Variants in FGF12 observed in about 807,000 individuals in gnomAD.
FGF12 encodes fibroblast growth factor 12.
In FGF12, 14 loss-of-function variants were observed where a neutral mutation model predicts 23.6. The ratio of observed to expected loss-of-function variants is 0.59; its 90% CI spans 0.39 to 0.93. FGF12 has a LOEUF of 0.93. Among genes scored for constraint, FGF12 ranks in the 40% least tolerant of loss-of-function variants. FGF12 has a pLI of 0.00. For synonymous variants in FGF12, 62 were observed against 77.3 expected, an observed-to-expected ratio of 0.80 and a Z score of 1.04; for missense variants, 175 against 217.8, an observed-to-expected ratio of 0.80 and a Z score of 1.24.
chr3:192,231,259 G>C (rs192550646), intron 4 of FGF12, among the ~76,000 whole-genome samples: 35 of 152,080 alleles, frequency 2.3e-4, no homozygotes, highest in African/African-American at 8.4e-4. Flanking sequence ...ATCTGAAAAT[G>C]CCTATTTAGA....
chr3:192,326,011 C>A (rs879016184), intron 4 of FGF12, among the ~76,000 whole-genome samples: 1 of 152,146 alleles, frequency 6.6e-6, no homozygotes, highest in Admixed American at 6.6e-5. Context: ...TGAGTCCAGA[C>A]AGCCAGTGAA....
chr3:192,246,331 G>C (rs907306018), intron 4 of FGF12, among the ~76,000 whole-genome samples: 2 of 152,146 alleles, frequency 1.3e-5, no homozygotes, highest in African/African-American at 2.4e-5. Flanking sequence ...TTTAACATAA[G>C]TGGAGTAAAT....
At chr3:192,199,587 G>A (rs763616877) in intron 4 of FGF12, among the ~76,000 whole-genome samples, 4 of 152,194 alleles carry the variant, frequency 2.6e-5, no homozygotes, top group Non-Finnish European at 4.4e-5. Flanking sequence ...CCTGCATTTG[G>A]TTTGAGAGCC....
chr3:192,523,597 T>C (rs1724873629), intron 2 of FGF12, among the ~76,000 whole-genome samples: 1 of 152,214 alleles, frequency 6.6e-6, no homozygotes, highest in South Asian at 2.1e-4. Flanking sequence ...CTTTTAGCTT[T>C]CGTATTATCC....
chr3:192,321,422 TA>T (rs1257292494), intron 4 of FGF12, among the ~76,000 whole-genome samples: 6 of 143,824 alleles, frequency 4.2e-5, no homozygotes, highest in African/African-American at 1.3e-4. Flanking sequence ...TTTCAAAAAA[TA>T]GAAGAGGAGG....
At chr3:192,219,473 A>C (rs1041701959) in intron 4 of FGF12, among the ~76,000 whole-genome samples, 1 of 151,626 alleles carries the variant, frequency 6.6e-6, no homozygotes, top group Non-Finnish European at 1.5e-5. Context: ...AACACGAAAA[A>C]CCCCCAGAAA....
intron 4 of FGF12, among the ~76,000 whole-genome samples, chr3:192,221,518 G>A (rs1404855874): frequency 6.6e-6 from 1 of 152,170 alleles, no homozygotes; most frequent in East Asian, 1.9e-4. Context: ...ATAAACACCA[G>A]TGGTGCTGGA....
At chr3:192,207,557 G>A (rs1045661535) in intron 4 of FGF12, among the ~76,000 whole-genome samples, 3 of 152,188 alleles carry the variant, frequency 2.0e-5, no homozygotes, top group African/African-American at 7.2e-5. Flanking sequence ...AGAGTGGGGA[G>A]AAGTGAAGTG....
chr3:192,229,117 G>A (rs943664532), intron 4 of FGF12, among the ~76,000 whole-genome samples: 6 of 151,352 alleles, frequency 4.0e-5, no homozygotes, highest in African/African-American at 9.7e-5. Flanking sequence ...CTAACTTCTG[G>A]GACATGGCTG....
At chr3:192,588,349 C>CAAAAAAAAAAA (rs1201739223) in intron 2 of FGF12, among the ~76,000 whole-genome samples, 6 of 66,966 alleles carry the variant, frequency 9.0e-5, no homozygotes, top group Admixed American at 1.9e-4. Context: ...CAATCCGTCT[C>CAAAAAAAAAAA]AAAAAAAAAA....
intron 2 of FGF12, among the ~76,000 whole-genome samples, chr3:192,545,832 G>T (rs546671963): frequency 2.6e-5 from 4 of 152,190 alleles, no homozygotes; most frequent in African/African-American, 9.6e-5. Flanking sequence ...ACTTTCAGAG[G>T]ACATTTGAGC....
intron 4 of FGF12, among the ~76,000 whole-genome samples, chr3:192,252,634 A>G (rs79855585): frequency 0.019 from 2,890 of 152,116 alleles, 72 homozygotes; most frequent in African/African-American, 0.055. Context: ...CTGTCAAAGT[A>G]CTTTCTGCCG....
chr3:192,658,945 T>C (rs1385846567), intron 2 of FGF12, among the ~76,000 whole-genome samples: 2 of 152,122 alleles, frequency 1.3e-5, no homozygotes, highest in African/African-American at 4.8e-5. Flanking sequence ...GATTCAAAGG[T>C]AAGTCATACA....
intron 2 of FGF12, among the ~76,000 whole-genome samples, chr3:192,673,895 G>A (rs2010769): frequency 0.45 from 67,093 of 150,444 alleles, 16,711 homozygotes; most frequent in East Asian, 0.63. Flanking sequence ...ATTTCCTTTG[G>A]GTATATACCC....
At chr3:192,546,841 A>G (rs1047818136) in intron 2 of FGF12, among the ~76,000 whole-genome samples, 8 of 152,236 alleles carry the variant, frequency 5.3e-5, no homozygotes, top group South Asian at 4.1e-4. Flanking sequence ...CTTGAGCCCA[A>G]TAGTTTGAGA....
At chr3:192,488,346 A>G (rs775511325) in intron 2 of FGF12, among the ~76,000 whole-genome samples, 3 of 152,102 alleles carry the variant, frequency 2.0e-5, no homozygotes, top group Non-Finnish European at 4.4e-5. Context: ...AAATAGAGTT[A>G]CCTAAATATT....
chr3:192,168,889 G>A (rs77627705), intron 5 of FGF12, among the ~76,000 whole-genome samples: 10,526 of 152,240 alleles, frequency 0.069, 441 homozygotes, highest in African/African-American at 0.11. Context: ...CAAGCTGACC[G>A]AATGTTTAGT....
chr3:192,167,783 T>C (rs1310820085), intron 5 of FGF12, among the ~76,000 whole-genome samples: 2 of 111,176 alleles, frequency 1.8e-5, no homozygotes. Context: ...TTTTTTTTTT[T>C]TTTTTTTTTT....
chr3:192,681,762 T>A (rs920960956), intron 2 of FGF12, among the ~76,000 whole-genome samples: 1 of 29,892 alleles, frequency 3.3e-5, no homozygotes, highest in Non-Finnish European at 5.9e-5. Flanking sequence ...CAATGATGTA[T>A]GCTCATCACC....
Sources: allele counts gnomAD v4.1 joint callset (sites outside exome capture counted in the v4.1 genomes callset), GRCh38; gene constraint gnomAD v4.1.1; transcripts MANE v1.5; gene names NCBI Gene and HGNC (gene_info 2026-07-23, HGNC 2026-07-21).